BCAS4: variants seen among roughly 807,000 people sequenced by gnomAD.
BCAS4 encodes the protein breast carcinoma amplified sequence 4.
Under a neutral mutation model 15.7 loss-of-function variants are expected in BCAS4, and 9 were observed. The observed-to-expected ratio is 0.57, with a 90% CI of 0.34 to 1.00. The LOEUF (loss-of-function observed/expected upper bound fraction) is 1.00, where lower values mean the gene tolerates loss of function less well. Ranked by LOEUF, BCAS4 falls within the 50% of genes least tolerant of loss-of-function variation. BCAS4 has a pLI of 0.02. For synonymous variants in BCAS4, 101 were observed against 99.5 expected, an observed-to-expected ratio of 1.02 and a Z score of -0.09; for missense variants, 225 against 239.1, an observed-to-expected ratio of 0.94 and a Z score of 0.39.
Position 50,876,750 on chromosome 20 carries a change from TC to T in BCAS4, c.*144del. 9.4e-7 allele frequency: 1 copy of T among 1,067,758 alleles called. No individual in the cohort carries two copies. The highest frequency in any genetic ancestry group is 1.2e-6 in the Non-Finnish European group (1 of 817,352). The allele number at this position is 1,067,758 out of a possible 1,614,324, so 66.1% of individuals were successfully genotyped here. ...GTCGAGATGGGGTCTCACTATGTTG[TC>T]CAGACTGATCTCAAACTCCTGGGCT... On this transcript the variant is annotated 3_prime_UTR_variant, in exon 5 of 5. Coordinates refer to ENST00000371608, the MANE Select transcript of BCAS4 (RefSeq NM_198799.4).
intron 3 of BCAS4, among the ~76,000 whole-genome samples, chr20:50,838,422 A>G (rs1035910371): frequency 6.6e-6 from 1 of 152,210 alleles, no homozygotes; most frequent in Non-Finnish European, 1.5e-5. Flanking sequence ...GGAAGCCAGA[A>G]AGACAGACTC....
At chr20:50,853,919 G>T (rs1978613696) in intron 4 of BCAS4, among the ~76,000 whole-genome samples, 2 of 151,956 alleles carry the variant, frequency 1.3e-5, no homozygotes, top group Non-Finnish European at 2.9e-5. Context: ...AGCCTCACTC[G>T]CTAGATGTAC....
At chr20:50,827,986 C>T (rs2088299365) in intron 2 of BCAS4, among the ~76,000 whole-genome samples, 1 of 152,094 alleles carries the variant, frequency 6.6e-6, no homozygotes, top group African/African-American at 2.4e-5. Flanking sequence ...CCTTGGCCTC[C>T]CGAACTGCTG....
intron 4 of BCAS4, among the ~76,000 whole-genome samples, chr20:50,870,272 G>T (rs1206639175): frequency 2.6e-5 from 4 of 152,228 alleles, no homozygotes; most frequent in Non-Finnish European, 4.4e-5. Context: ...AGGGCTTCCC[G>T]AGAGGGAGAT....
At chr20:50,828,906 C>T (rs1178251426) in intron 2 of BCAS4, among the ~76,000 whole-genome samples, 3 of 152,188 alleles carry the variant, frequency 2.0e-5, no homozygotes, top group South Asian at 4.1e-4. Flanking sequence ...CACTCCACGC[C>T]AGCATTGTGC....
At chr20:50,818,777 T>C (rs1220525400) in intron 2 of BCAS4, among the ~76,000 whole-genome samples, 2 of 152,226 alleles carry the variant, frequency 1.3e-5, no homozygotes, top group Admixed American at 6.5e-5. Context: ...CTGTTCTCTC[T>C]GCTTTTACCT....
intron 4 of BCAS4, among the ~76,000 whole-genome samples, chr20:50,868,157 A>G (rs1979448879): frequency 6.6e-6 from 1 of 152,168 alleles, no homozygotes; most frequent in Non-Finnish European, 1.5e-5. Context: ...TAGCAAGGAT[A>G]CTCAACATGG....
intron 2 of BCAS4, among the ~76,000 whole-genome samples, chr20:50,825,420 C>G (rs948452818): frequency 2.0e-5 from 3 of 152,164 alleles, no homozygotes. Flanking sequence ...AGGGTGGAAC[C>G]AAGAGGTAAG....
At chr20:50,878,354 G>C (rs1980041463), downstream of BCAS4, 1 of 151,954 alleles carries the variant, frequency 6.6e-6, no homozygotes, top group Admixed American at 6.6e-5. Context: ...ATTTTTAGTA[G>C]AGACGGGGTT....
chr20:50,829,492 C>T (rs1407493715), intron 2 of BCAS4, among the ~76,000 whole-genome samples: 1 of 152,224 alleles, frequency 6.6e-6, no homozygotes, highest in African/African-American at 2.4e-5. Context: ...ATCCACCTAC[C>T]TCGGCCTCCC....
At chr20:50,876,383 A>G (rs1979941588) in intron 4 of BCAS4, 103 bp from the exon 5 acceptor site, 2 of 1,478,498 alleles carry the variant, frequency 1.4e-6, no homozygotes, top group Non-Finnish European at 1.8e-6. Context: ...GTCTTTGGTC[A>G]TATGTGTGAG....
rs553078996 is a variant in BCAS4, at chr20:50,830,089, G to A, written c.163-190G>A. ...CAGTACATAATACCTGGGTAGGTCTGGGTCCACAGAGGCGACGATGTTGGT... is the reference window on the plus strand; with the variant it reads ...CAGTACATAATACCTGGGTAGGTCTAGGTCCACAGAGGCGACGATGTTGGT... On this transcript the variant is annotated intron_variant, in intron 2 of 4. Transcript: ENST00000371608. Among the ~76,000 whole-genome samples the A allele has an allele frequency of 4.6e-5, 7 of 152,274 alleles. No individual in the cohort carries two copies. The East Asian group carries it at 1.3e-3, about 29-fold the overall frequency.
chr20:50,867,144 A>G (rs1180579379), intron 4 of BCAS4, among the ~76,000 whole-genome samples: 1 of 152,150 alleles, frequency 6.6e-6, no homozygotes, highest in Non-Finnish European at 1.5e-5. Context: ...TACTGTGTGC[A>G]TTGTCACAGC....
chr20:50,865,066 C>T (rs1979288279), intron 4 of BCAS4, among the ~76,000 whole-genome samples: 4 of 152,076 alleles, frequency 2.6e-5, no homozygotes, highest in African/African-American at 9.7e-5. Context: ...GCACTCCAGC[C>T]TGGGCGACAG....
At chr20:50,845,895 G>A (rs1017785869) in intron 4 of BCAS4, among the ~76,000 whole-genome samples, 2 of 152,246 alleles carry the variant, frequency 1.3e-5, no homozygotes. Context: ...CAGGCTGCCC[G>A]CTGCCCAGGT....
intron 4 of BCAS4, among the ~76,000 whole-genome samples, chr20:50,856,580 C>T (rs997412636): frequency 3.9e-5 from 6 of 152,234 alleles, no homozygotes; most frequent in African/African-American, 1.4e-4. Flanking sequence ...GTCTTCCAGC[C>T]TCCTTGTCCC....
At chr20:50,853,026 C>T (rs184606731) in intron 4 of BCAS4, among the ~76,000 whole-genome samples, 1 of 152,088 alleles carries the variant, frequency 6.6e-6, no homozygotes, top group Non-Finnish European at 1.5e-5. Flanking sequence ...TGGGATCCCT[C>T]TACACCCCCC....
intron 4 of BCAS4, among the ~76,000 whole-genome samples, chr20:50,845,687 A>G (rs2088535234): frequency 6.6e-6 from 1 of 152,222 alleles, no homozygotes; most frequent in African/African-American, 2.4e-5. Flanking sequence ...CGCAGCAGCC[A>G]GTCAGGGTGA....
intron 2 of BCAS4, among the ~76,000 whole-genome samples, chr20:50,823,424 A>T (rs2088240975): frequency 6.6e-6 from 1 of 152,230 alleles, no homozygotes; most frequent in Non-Finnish European, 1.5e-5. Context: ...GAATGAGTAA[A>T]GCAATTATTG....
Sources: allele counts gnomAD v4.1 joint callset (sites outside exome capture counted in the v4.1 genomes callset), GRCh38; gene constraint gnomAD v4.1.1; transcripts MANE v1.5; gene names NCBI Gene and HGNC (gene_info 2026-07-23, HGNC 2026-07-21).